The following MAPK10 variants were observed in gnomAD, a reference collection of about 807,000 sequenced individuals.
MAPK10 encodes JNK3 alpha protein kinase.
MAPK10 carries 25 observed loss-of-function variants against 59.3 expected under a neutral mutation model. The ratio of observed to expected loss-of-function variants is 0.42; its 90% confidence interval spans 0.31 to 0.59. MAPK10 has a LOEUF of 0.59. Ranked by LOEUF, MAPK10 falls within the 20% of genes least tolerant of loss-of-function variation. The pLI is 0.15. For missense variants in MAPK10, 351 were observed against 568.9 expected, an observed-to-expected ratio of 0.62 and a Z score of 3.90; for synonymous variants, 190 against 200.5, an observed-to-expected ratio of 0.95 and a Z score of 0.44.
chr4:86,091,030 A>G (rs2053029568), intron 9 of MAPK10: 1 of 152,034 alleles, frequency 6.6e-6, no homozygotes, highest in Admixed American at 6.6e-5. Flanking sequence ...CTAAACCTCA[A>G]TTTTATCCCC....
intron 11 of MAPK10, among the ~76,000 whole-genome samples, chr4:86,047,757 C>T (rs1378318992): frequency 6.6e-6 from 1 of 152,086 alleles, no homozygotes; most frequent in Non-Finnish European, 1.5e-5. Context: ...CCTTGCAAGC[C>T]ATGATAAGTA....
At chr4:86,131,384 C>T (rs952445935) in intron 4 of MAPK10, among the ~76,000 whole-genome samples, 9 of 152,046 alleles carry the variant, frequency 5.9e-5, no homozygotes, top group Admixed American at 3.3e-4. Flanking sequence ...TGGGATTGAA[C>T]TTGAGGATTT....
intron 11 of MAPK10, among the ~76,000 whole-genome samples, chr4:86,060,376 T>C (rs1161454703): frequency 1.3e-5 from 2 of 152,188 alleles, no homozygotes; most frequent in African/African-American, 4.8e-5. Context: ...TTTCTTGAAG[T>C]GCTCTGAAAT....
chr4:86,229,618 A>T (rs2091228382), intron 2 of MAPK10, among the ~76,000 whole-genome samples: 1 of 152,194 alleles, frequency 6.6e-6, no homozygotes, highest in South Asian at 2.1e-4. Flanking sequence ...AAATGCAGGA[A>T]AACAACTGGC....
chr4:86,521,070 A>G (rs570939008), intron 1 of MAPK10, among the ~76,000 whole-genome samples: 318 of 152,290 alleles, frequency 2.1e-3, no homozygotes, highest in Middle Eastern at 3.4e-3. Context: ...TGTTTAGTGT[A>G]CTTGTTTTCT....
At chr4:86,230,786 A>G (rs1583227440) in intron 2 of MAPK10, among the ~76,000 whole-genome samples, 1 of 152,348 alleles carries the variant, frequency 6.6e-6, no homozygotes, top group East Asian at 1.9e-4. Context: ...AAAATAGCAT[A>G]TAACAACATC....
At chr4:86,529,595 G>A (rs1757717221) in intron 1 of MAPK10, among the ~76,000 whole-genome samples, 1 of 152,038 alleles carries the variant, frequency 6.6e-6, no homozygotes, top group African/African-American at 2.4e-5. Context: ...ATTTGCTCGA[G>A]CTCCCCTCTC....
intron 2 of MAPK10, among the ~76,000 whole-genome samples, chr4:86,265,453 G>C (rs576929585): frequency 2.6e-5 from 4 of 151,122 alleles, no homozygotes; most frequent in Non-Finnish European, 5.9e-5. Flanking sequence ...AGGTTGCAGT[G>C]AGCCATGATC....
chr4:86,373,273 G>A (rs183584865), intron 1 of MAPK10, among the ~76,000 whole-genome samples: 9 of 152,288 alleles, frequency 5.9e-5, no homozygotes, highest in Admixed American at 4.6e-4. Flanking sequence ...ATGGATTAAA[G>A]ACTTAAACAT....
chr4:86,087,491 A>G (rs1263381273), intron 9 of MAPK10, among the ~76,000 whole-genome samples: 1 of 152,178 alleles, frequency 6.6e-6, no homozygotes. Context: ...TTCAGTTTTT[A>G]TAAAGCCAGC....
rs115717858 is a variant in MAPK10 at position 86,041,975 on chromosome 4, C to T, written c.1111-10544G>A. Among the ~76,000 whole-genome samples the T allele has an allele frequency of 2.6e-3, 392 of 152,246 alleles. 1 individual carries two copies. Among genetic ancestry groups the T allele is most frequent in the African/African-American group, 9.0e-3 (373 of 41,534 alleles). ...GCAATCCCATTACTGGGTATATATC[C>T]GAAGGATTCTAAATTATTCTGTTCT... is the stretch of plus-strand genomic sequence containing the variant. On this transcript the variant is annotated intron_variant, in intron 11 of 13. Transcript: ENST00000641462.
At chr4:86,070,396 T>C (rs2047624931) in intron 9 of MAPK10, among the ~76,000 whole-genome samples, 1 of 151,812 alleles carries the variant, frequency 6.6e-6, no homozygotes. Context: ...TTTCTTTTTC[T>C]TTTTTTTATT....
At chr4:86,436,144 T>TGG (rs910995740) in intron 1 of MAPK10, among the ~76,000 whole-genome samples, 4 of 152,178 alleles carry the variant, frequency 2.6e-5, no homozygotes, top group African/African-American at 9.7e-5. Context: ...CCCTCTTCCC[T>TGG]GGAGTTTATA....
intron 1 of MAPK10, among the ~76,000 whole-genome samples, chr4:86,382,817 C>G (rs1168917957): frequency 6.6e-6 from 1 of 152,166 alleles, no homozygotes; most frequent in Non-Finnish European, 1.5e-5. Flanking sequence ...CAGAGAGCCA[C>G]TGTTTTAGTT....
At chr4:86,416,309 G>A (rs1745856184) in intron 1 of MAPK10, among the ~76,000 whole-genome samples, 1 of 152,214 alleles carries the variant, frequency 6.6e-6, no homozygotes, top group African/African-American at 2.4e-5. Context: ...CCAGAACTGT[G>A]AGAAATACAT....
chr4:86,069,578 A>G (rs1270028244), intron 9 of MAPK10, among the ~76,000 whole-genome samples: 1 of 152,136 alleles, frequency 6.6e-6, no homozygotes, highest in Non-Finnish European at 1.5e-5. Context: ...TAGGTAAGCT[A>G]TAAGTACTTA....
At chr4:86,472,365 T>A (rs939683851) in intron 1 of MAPK10, among the ~76,000 whole-genome samples, 7 of 152,144 alleles carry the variant, frequency 4.6e-5, no homozygotes, top group African/African-American at 1.7e-4. Context: ...TGTGAACATC[T>A]AAGAAAAGTA....
At chr4:86,262,177 A>G (rs2094012291) in intron 2 of MAPK10, among the ~76,000 whole-genome samples, 1 of 152,198 alleles carries the variant, frequency 6.6e-6, no homozygotes, top group Admixed American at 6.5e-5. Context: ...AGAGGTGATT[A>G]GGTCACTATA....
rs529192198 is a variant in MAPK10 at position 86,488,098 on chromosome 4, A to G, written c.-263+105812T>C. On this transcript the variant is annotated intron_variant, in intron 1 of 4. Coordinates refer to the MAPK10 transcript ENST00000502302. ...TCCCTCAGCTCCACTTGCCGTCTTAATTCAATCCCTTGACAGATTAGCTCA... is the reference window on the plus strand; with the variant it reads ...TCCCTCAGCTCCACTTGCCGTCTTAGTTCAATCCCTTGACAGATTAGCTCA... 1.4e-4 allele frequency among the ~76,000 whole-genome samples: 21 copies of G among 152,252 alleles called. No individual in the cohort carries two copies. In the South Asian group the frequency reaches 3.9e-3, roughly 29 times the overall value.
Sources: gnomAD v4.1 joint callset for allele counts (sites outside exome capture counted in the v4.1 genomes callset) on GRCh38, gnomAD v4.1.1 for gene constraint, MANE v1.5 for transcripts, NCBI Gene and HGNC (gene_info 2026-07-23, HGNC 2026-07-21) for gene names.